Variants in PSD2 observed in about 807,000 individuals in gnomAD.
PSD2 encodes PH and SEC7 domain-containing protein 2.
Under a neutral mutation model 69.8 loss-of-function variants are expected in PSD2, and 38 were observed. The observed-to-expected ratio is 0.54, with a 90% CI of 0.42 to 0.71. PSD2 has a LOEUF of 0.71. Ranked by LOEUF, PSD2 falls within the 30% of genes least tolerant of loss-of-function variation. The pLI, the probability that PSD2 is intolerant of heterozygous loss-of-function variation, is 0.00. For synonymous variants in PSD2, 412 were observed against 423.0 expected, an observed-to-expected ratio of 0.97 and a Z score of 0.32; for missense variants, 943 against 1,014.5, an observed-to-expected ratio of 0.93 and a Z score of 0.96.
At chr5:139,823,525 A>C (rs896747271) in intron 7 of PSD2, among the ~76,000 whole-genome samples, 43 of 152,134 alleles carry the variant, frequency 2.8e-4, no homozygotes, top group Non-Finnish European at 1.5e-4. Context: ...TCCAGGGCAT[A>C]TGGGGGTGAA....
intron 7 of PSD2, among the ~76,000 whole-genome samples, chr5:139,830,582 CTTTCTTTCTTTT>C (rs1561605291): frequency 7.2e-5 from 10 of 139,546 alleles, no homozygotes; most frequent in African/African-American, 2.6e-4. Context: ...TTCTTTCTTT[CTTTCTTTCTTTT>C]TCTTTCTTTC....
At chr5:139,748,384 C>T in the PSD2 span, among the ~76,000 whole-genome samples, 1 of 152,230 alleles carries the variant, frequency 6.6e-6, no homozygotes. Flanking sequence ...CCTGTGGAGA[C>T]AGATGTACCC....
At chr5:139,835,510 T>C (rs569388983) in intron 8 of PSD2, among the ~76,000 whole-genome samples, 2 of 152,186 alleles carry the variant, frequency 1.3e-5, no homozygotes, top group African/African-American at 4.8e-5. Context: ...CTACGGGAGA[T>C]TGACATTAAG....
chr5:139,830,606 T>C (rs57734173), intron 7 of PSD2, among the ~76,000 whole-genome samples: 11 of 122,228 alleles, frequency 9.0e-5, no homozygotes, highest in South Asian at 2.5e-4. Flanking sequence ...CTTTCTTTCT[T>C]TCTCTTTCTT....
the PSD2 span, among the ~76,000 whole-genome samples, chr5:139,756,818 G>T: frequency 3.3e-5 from 5 of 152,156 alleles, no homozygotes; most frequent in Admixed American, 2.6e-4. Flanking sequence ...AGTTTCCTCC[G>T]CTGGGAAATA....
chr5:139,771,683 C>A, the PSD2 span, among the ~76,000 whole-genome samples: 2 of 152,172 alleles, frequency 1.3e-5, no homozygotes, highest in African/African-American at 4.8e-5. Context: ...CCGCAGCCTG[C>A]TTTCCTTTCT....
At chr5:139,793,818 C>G (rs1252063161), upstream of PSD2, among the ~76,000 whole-genome samples, 1 of 152,200 alleles carries the variant, frequency 6.6e-6, no homozygotes, top group Non-Finnish European at 1.5e-5. Context: ...TTGAGCACAT[C>G]AGCTCTTTCG....
intron 7 of PSD2, among the ~76,000 whole-genome samples, chr5:139,831,535 T>A (rs57227239): frequency 0.12 from 18,616 of 152,206 alleles, 1,775 homozygotes; most frequent in African/African-American, 0.27. Flanking sequence ...TTAGCTTGTT[T>A]GTTGTGCATT....
chr5:139,795,573 C>T (rs1016489050), upstream of PSD2, among the ~76,000 whole-genome samples: 1 of 152,102 alleles, frequency 6.6e-6, no homozygotes, highest in Non-Finnish European at 1.5e-5. This position sits in a 1 kb window ranked among gnomAD's most constrained non-coding sequence, Gnocchi z 4.5. Context: ...CCCCTCCCCC[C>T]CTTTCTTAAA....
intron 1 of PSD2, among the ~76,000 whole-genome samples, chr5:139,799,649 A>G (rs1435514923): frequency 6.6e-6 from 1 of 152,118 alleles, no homozygotes; most frequent in African/African-American, 2.4e-5. Flanking sequence ...TGGGAAAGAG[A>G]CCAGCCAGGA....
intron 7 of PSD2, among the ~76,000 whole-genome samples, chr5:139,826,599 T>C (rs1463749633): frequency 6.6e-6 from 1 of 152,202 alleles, no homozygotes; most frequent in Admixed American, 6.5e-5. Context: ...GATGAGGTCC[T>C]GAGCTGAGAG....
the PSD2 span, among the ~76,000 whole-genome samples, chr5:139,773,309 C>A: frequency 6.6e-6 from 1 of 152,166 alleles, no homozygotes; most frequent in Non-Finnish European, 1.5e-5. Flanking sequence ...GTCACCCGGG[C>A]TGGAGTGCAG....
chr5:139,813,392 G>T lies in PSD2; in HGVS notation c.455G>T (p.Gly152Val). ...EKILESELLR[G>V]TQYSSLDSLD... Reference sequence around the variant, plus strand: ...ATTCTGGAGTCAGAGCTGCTGCGGGGCACCCAGTACAGCAGCCTCGACTCC... The same window carrying T: ...ATTCTGGAGTCAGAGCTGCTGCGGGTCACCCAGTACAGCAGCCTCGACTCC... Residue 152 changes from glycine (G) to valine (V), a missense_variant, in exon 3 of 15, where the codon GGC becomes GTC. Gly to Val is a moderately radical substitution (Grantham distance 109, BLOSUM62 -3). Coordinates refer to ENST00000274710, the MANE Select transcript of PSD2 (RefSeq NM_032289.4). The T allele has an allele frequency of 1.9e-6, 3 of 1,608,076 alleles. No homozygotes were observed. The highest frequency in any genetic ancestry group is 1.7e-4 in the Middle Eastern group (1 of 6,044).
At chr5:139,830,598 TTC>T (rs1760562446) in intron 7 of PSD2, among the ~76,000 whole-genome samples, 2 of 130,624 alleles carry the variant, frequency 1.5e-5, no homozygotes, top group Admixed American at 1.5e-4. Context: ...TTCTTTTTCT[TTC>T]TTTCTTTCTC....
the PSD2 span, among the ~76,000 whole-genome samples, chr5:139,782,490 G>GTTTT: frequency 6.8e-5 from 8 of 117,074 alleles, no homozygotes; most frequent in Admixed American, 1.8e-4. Flanking sequence ...GGCCTGACTA[G>GTTTT]TTTTTTTTTT....
chr5:139,826,268 G>C (rs562152896), intron 7 of PSD2, among the ~76,000 whole-genome samples: 1 of 152,334 alleles, frequency 6.6e-6, no homozygotes, highest in Non-Finnish European at 1.5e-5. Flanking sequence ...AAGATGTTTG[G>C]CCTTGCCTGG....
At chr5:139,765,420 C>T in the PSD2 span, among the ~76,000 whole-genome samples, 1 of 152,162 alleles carries the variant, frequency 6.6e-6, no homozygotes, top group African/African-American at 2.4e-5. Flanking sequence ...TCCTATTAAT[C>T]GGCCCAGTAC....
chr5:139,837,049 G>C lies in PSD2; in HGVS notation c.1594+48G>C, dbSNP rs114323763. Reference sequence around the variant, plus strand: ...GGCATGGGAGGGAGGCTGGCACAGAGGGGGGCGCCACGGGCCACTCTTTGG... The same window carrying C: ...GGCATGGGAGGGAGGCTGGCACAGACGGGGGCGCCACGGGCCACTCTTTGG... On this transcript the variant is annotated intron_variant, in intron 10 of 14. Coordinates refer to ENST00000274710, the MANE Select transcript of PSD2 (RefSeq NM_032289.4). The surrounding 1 kb of genome is among the most constrained non-coding windows in gnomAD (Gnocchi z 5.0). 1.8e-5 allele frequency: 29 copies of C among 1,593,124 alleles called. No homozygotes were observed. The highest frequency in any genetic ancestry group is 2.4e-5 in the Non-Finnish European group (28 of 1,164,796).
chr5:139,789,984 AGCACGGGGCCG>A, the PSD2 span, among the ~76,000 whole-genome samples: 1 of 151,866 alleles, frequency 6.6e-6, no homozygotes, highest in Non-Finnish European at 1.5e-5. Context: ...GGCAGAGAGC[AGCACGGGGCCG>A]GGCGGGCGCT....
Sources: allele counts gnomAD v4.1 joint callset (sites outside exome capture counted in the v4.1 genomes callset), GRCh38; gene constraint gnomAD v4.1.1; non-coding constraint Gnocchi (gnomAD v3.1); transcripts MANE v1.5; gene names NCBI Gene and HGNC (gene_info 2026-07-23, HGNC 2026-07-21).